Variants in ARHGEF3 observed in about 807,000 individuals in gnomAD.
ARHGEF3 encodes Rho guanine nucleotide exchange factor 3, also known as 59.8 kDA protein.
In ARHGEF3, 28 loss-of-function variants were observed where a neutral mutation model predicts 63.2. The ratio of observed to expected loss-of-function variants is 0.44; its 90% confidence interval spans 0.33 to 0.61. ARHGEF3 has a LOEUF of 0.61. Ranked by LOEUF, ARHGEF3 falls within the 20% of genes least tolerant of loss-of-function variation. The pLI is 0.03. For missense variants in ARHGEF3, 533 were observed against 659.3 expected (o/e 0.81, Z 2.10); for synonymous variants, 266 against 254.2 (o/e 1.05, Z -0.44).
At chr3:56,922,122 G>T (rs1288481180) in intron 3 of ARHGEF3, among the ~76,000 whole-genome samples, 1 of 152,036 alleles carries the variant, frequency 6.6e-6, no homozygotes, top group South Asian at 2.1e-4. Flanking sequence ...GCAGCCACCG[G>T]CCTGGCCGCT....
chr3:56,885,609 A>C (rs899158731), intron 3 of ARHGEF3, among the ~76,000 whole-genome samples: 2 of 151,872 alleles, frequency 1.3e-5, no homozygotes, highest in African/African-American at 2.4e-5. Flanking sequence ...CTCCAGACCA[A>C]TTCAACACAC....
At chr3:57,044,999 G>A (rs1357540887) in intron 1 of ARHGEF3, among the ~76,000 whole-genome samples, 1 of 152,196 alleles carries the variant, frequency 6.6e-6, no homozygotes, top group Non-Finnish European at 1.5e-5. Context: ...GGACGTGGTG[G>A]CTCACACCTG....
intron 3 of ARHGEF3, among the ~76,000 whole-genome samples, chr3:56,953,867 A>G (rs926561974): frequency 6.6e-6 from 1 of 152,234 alleles, no homozygotes; most frequent in African/African-American, 2.4e-5. Flanking sequence ...ACCTGGAAAC[A>G]GCTGTGCCTG....
At chr3:56,952,604 T>C (rs988271642) in intron 3 of ARHGEF3, among the ~76,000 whole-genome samples, 2 of 152,208 alleles carry the variant, frequency 1.3e-5, no homozygotes, top group South Asian at 2.1e-4. Context: ...GCTGAAACTA[T>C]ACCCACCTCT....
At chr3:56,801,627 C>A (rs536364151) in intron 1 of ARHGEF3, 76 bp downstream of exon 1, 2 of 1,506,656 alleles carry the variant, frequency 1.3e-6, no homozygotes, top group African/African-American at 1.4e-5. Flanking sequence ...ACTGGACGGG[C>A]GCCGAGAATG....
At chr3:56,994,502 A>G (rs892875410) in intron 2 of ARHGEF3, among the ~76,000 whole-genome samples, 3 of 151,592 alleles carry the variant, frequency 2.0e-5, no homozygotes, top group African/African-American at 4.9e-5. Context: ...ATTATTCGCC[A>G]GAAAGGGAAA....
intron 3 of ARHGEF3, among the ~76,000 whole-genome samples, chr3:56,900,502 G>A (rs912399454): frequency 6.6e-5 from 10 of 151,970 alleles, no homozygotes; most frequent in Non-Finnish European, 1.0e-4. Context: ...ATGGTGGCAC[G>A]CACTGTAGTC....
At chr3:56,940,904 T>A (rs192123732) in intron 3 of ARHGEF3, 182 of 152,326 alleles carry the variant, frequency 1.2e-3, no homozygotes, top group African/African-American at 4.2e-3. Context: ...AGAGACCCGA[T>A]GCTCTGAAAT....
chr3:57,060,843 C>A (rs1471544736), intron 1 of ARHGEF3: 1 of 146,260 alleles, frequency 6.8e-6, no homozygotes, highest in Non-Finnish European at 1.5e-5. Flanking sequence ...CACACATGGG[C>A]ACACACCACC....
intron 7 of ARHGEF3, among the ~76,000 whole-genome samples, chr3:56,738,464 G>A (rs2033794759): frequency 6.6e-6 from 1 of 152,082 alleles, no homozygotes; most frequent in East Asian, 1.9e-4. Context: ...GAGCCACCAC[G>A]CCTGGCCTGG....
chr3:56,784,902 C>G (rs535543489), intron 1 of ARHGEF3, among the ~76,000 whole-genome samples: 52 of 152,334 alleles, frequency 3.4e-4, no homozygotes, highest in African/African-American at 1.2e-3. Flanking sequence ...GAAGATGACT[C>G]TCCTACCTTC....
intron 1 of ARHGEF3, among the ~76,000 whole-genome samples, chr3:56,779,477 T>G (rs931424518): frequency 2.0e-5 from 3 of 149,680 alleles, no homozygotes; most frequent in Admixed American, 6.6e-5. Context: ...AAATAAAAAG[T>G]TTTTTTTTAT....
At chr3:56,823,442 A>G (rs1266923129) in intron 4 of ARHGEF3, among the ~76,000 whole-genome samples, 1 of 152,008 alleles carries the variant, frequency 6.6e-6, no homozygotes, top group African/African-American at 2.4e-5. Flanking sequence ...AATCACCTCA[A>G]AATCCAACCC....
rs528885023 is a variant in ARHGEF3, at chr3:56,971,112, T to A, written c.63-12223A>T. 8.5e-5 allele frequency among the ~76,000 whole-genome samples: 13 copies of A among 152,258 alleles called. No individual in the cohort carries two copies. In the South Asian group the frequency reaches 2.3e-3, roughly 27 times the overall value. On this transcript the variant is annotated intron_variant, in intron 2 of 12. Coordinates refer to the ARHGEF3 transcript ENST00000338458. ...TGCACTCCTTGCAGCTAATAGGAGCTTAATAAATAATGAGAATGAATTCAT... is the reference window on the plus strand; with the variant it reads ...TGCACTCCTTGCAGCTAATAGGAGCATAATAAATAATGAGAATGAATTCAT...
chr3:56,872,668 C>T (rs940350312), intron 4 of ARHGEF3, among the ~76,000 whole-genome samples: 13 of 152,096 alleles, frequency 8.5e-5, no homozygotes, highest in African/African-American at 3.1e-4. Flanking sequence ...CACCCCCAAG[C>T]CCAGCTAATT....
chr3:56,949,602 C>T (rs1162799382), intron 3 of ARHGEF3, among the ~76,000 whole-genome samples: 8 of 151,790 alleles, frequency 5.3e-5, no homozygotes, highest in Non-Finnish European at 1.2e-4. Flanking sequence ...CAAGGAGAAC[C>T]ACAAACCACT....
intron 2 of ARHGEF3, among the ~76,000 whole-genome samples, chr3:56,968,215 T>A (rs1225510769): frequency 5.8e-4 from 13 of 22,366 alleles, no homozygotes; most frequent in Admixed American, 3.5e-3. Context: ...AAAATATATA[T>A]TATATATAAT....
At chr3:56,933,525 T>A (rs1264023312) in intron 3 of ARHGEF3, among the ~76,000 whole-genome samples, 1 of 151,970 alleles carries the variant, frequency 6.6e-6, no homozygotes, top group Non-Finnish European at 1.5e-5. Flanking sequence ...GCTCAGGTGA[T>A]CTTCCCATTT....
intron 2 of ARHGEF3, among the ~76,000 whole-genome samples, chr3:57,004,976 A>G (rs1560125472): frequency 2.0e-5 from 3 of 151,040 alleles, no homozygotes; most frequent in African/African-American, 7.3e-5. Flanking sequence ...AAATAAATAT[A>G]TATATATATA....
Sources: allele counts gnomAD v4.1 joint callset (sites outside exome capture counted in the v4.1 genomes callset), GRCh38; gene constraint gnomAD v4.1.1; transcripts MANE v1.5; gene names NCBI Gene and HGNC (gene_info 2026-07-23, HGNC 2026-07-21).